The following EFL1 variants were observed in gnomAD, a reference collection of about 807,000 sequenced individuals.
The protein encoded by EFL1 is elongation factor like GTPase 1.
In EFL1, 76 loss-of-function variants were observed where a neutral mutation model predicts 126.7. The observed-to-expected ratio is 0.60, with a 90% CI of 0.50 to 0.73. The LOEUF (loss-of-function observed/expected upper bound fraction) is 0.73, where lower values mean the gene tolerates loss of function less well. EFL1 is among the 30% of genes least tolerant of loss of function. The pLI, the probability that EFL1 is intolerant of heterozygous loss-of-function variation, is 0.00. For missense variants in EFL1, 1,128 were observed against 1,343.2 expected (o/e 0.84, Z 2.50); for synonymous variants, 410 against 448.4 (o/e 0.91, Z 1.08).
chr15:82,241,282 T>C lies in EFL1; in HGVS notation c.366A>G (p.Gly122=), dbSNP rs750119124. Residue 122 remains glycine (G), a synonymous_variant, in exon 5 of 20, where the codon GGA becomes GGG. Coordinates refer to ENST00000268206, the MANE Select transcript of EFL1 (RefSeq NM_024580.6). ...GCIIVVDAVE[G]VCPQTQAVLR... ...CACAATCCATTACCTGTGGACAGACTCCTTCCACAGCATCTACCACAATGA... is the reference window on the plus strand; with the variant it reads ...CACAATCCATTACCTGTGGACAGACCCCTTCCACAGCATCTACCACAATGA... 6.2e-7 allele frequency: 1 copy of C among 1,613,918 alleles called. No individual in the cohort carries two copies.
chr15:82,236,158 A>C lies in EFL1; in HGVS notation c.731+2149T>G, dbSNP rs192928736. 1.4e-4 allele frequency among the ~76,000 whole-genome samples: 22 copies of C among 152,302 alleles called. No homozygotes were observed. The East Asian group carries it at 4.2e-3, about 29-fold the overall frequency. Reference sequence around the variant, plus strand: ...GAAAACTACAAAATGCTCATAAAAGAATTTTTAAAAATTTTAAATAAAAGG... The same window carrying C: ...GAAAACTACAAAATGCTCATAAAAGCATTTTTAAAAATTTTAAATAAAAGG... On this transcript the variant is annotated intron_variant, in intron 7 of 19. Transcript: ENST00000268206.
intron 15 of EFL1, among the ~76,000 whole-genome samples, chr15:82,177,216 C>G (rs1017069542): frequency 2.0e-5 from 3 of 152,126 alleles, no homozygotes; most frequent in African/African-American, 7.2e-5. Flanking sequence ...CTATGTGCAT[C>G]TTATGCATCA....
intron 15 of EFL1, among the ~76,000 whole-genome samples, chr15:82,199,408 C>T (rs1218219973): frequency 6.6e-6 from 1 of 152,180 alleles, no homozygotes; most frequent in African/African-American, 2.4e-5. Context: ...TCAGGGAAGA[C>T]CCTCAGGCAA....
intron 17 of EFL1, among the ~76,000 whole-genome samples, chr15:82,154,038 A>C (rs1353786206): frequency 6.6e-6 from 1 of 152,196 alleles, no homozygotes; most frequent in East Asian, 1.9e-4. Flanking sequence ...AACATAGTCA[A>C]AAGAGCTATG....
chr15:82,154,803 C>A (rs2073950339), intron 17 of EFL1, among the ~76,000 whole-genome samples: 1 of 152,090 alleles, frequency 6.6e-6, no homozygotes, highest in Admixed American at 6.5e-5. Context: ...GCTCTGTCAC[C>A]CAGCCTGAAG....
intron 15 of EFL1, among the ~76,000 whole-genome samples, chr15:82,182,590 G>A (rs537502156): frequency 2.0e-5 from 3 of 152,114 alleles, no homozygotes; most frequent in Admixed American, 6.5e-5. Flanking sequence ...TTGGGAGGCC[G>A]AGGCGGGTGG....
Position 82,152,432 on chromosome 15 carries a change from A to G in EFL1, c.2031-9T>C, listed in dbSNP as rs1298032961. ...TATGAATCTTTGCAAACCTACAGAC[A>G]AATTCAAGAGAAATAACAGAAGGTT... On this transcript the variant is annotated splice_polypyrimidine_tract_variant and intron_variant, in intron 17 of 19. Coordinates refer to ENST00000268206, the MANE Select transcript of EFL1 (RefSeq NM_024580.6). 2 of 1,587,132 alleles carry G rather than the reference A, an allele frequency of 1.3e-6. No homozygotes were observed. Among genetic ancestry groups the G allele is most frequent in the Admixed American group, 3.6e-5 (2 of 56,318 alleles).
At chr15:82,190,132 C>T (rs532360964) in intron 15 of EFL1, among the ~76,000 whole-genome samples, 1 of 148,144 alleles carries the variant, frequency 6.8e-6, no homozygotes, top group Admixed American at 6.7e-5. Flanking sequence ...AAAAAAAATT[C>T]ATGTTACTTT....
At chr15:82,152,514 G>T in intron 17 of EFL1, 91 bp from the exon 18 acceptor site, 1 of 1,097,378 alleles carries the variant, frequency 9.1e-7, no homozygotes, top group Non-Finnish European at 1.3e-6. Context: ...TGGAGATTCT[G>T]TAAAAACATA....
intron 19 of EFL1, among the ~76,000 whole-genome samples, chr15:82,131,128 A>G (rs1195721674): frequency 6.6e-6 from 1 of 152,230 alleles, no homozygotes; most frequent in Non-Finnish European, 1.5e-5. Context: ...AGTTCATAAC[A>G]CTAAGGAAGA....
chr15:82,192,883 T>C (rs1400720751), intron 15 of EFL1, among the ~76,000 whole-genome samples: 2 of 152,098 alleles, frequency 1.3e-5, no homozygotes, highest in Non-Finnish European at 2.9e-5. Context: ...GGAAAAAAAG[T>C]ACAAAAGCAC....
Position 82,209,316 on chromosome 15 carries a change from G to GACACACAC in EFL1, c.1750+5393_1750+5400dup, listed in dbSNP as rs57128885. 4.7e-3 allele frequency among the ~76,000 whole-genome samples: 684 copies of GACACACAC among 146,306 alleles called. 8 individuals are homozygous for GACACACAC. The East Asian group carries it at 0.056, about 12-fold the overall frequency. ...GACTAAGGATTCACACACAGACACA[G>GACACACAC]ACACACACACACACACACACACACA... On this transcript the variant is annotated intron_variant, in intron 15 of 19. Transcript: ENST00000268206.
chr15:82,163,059 G>T (rs1446879480), intron 16 of EFL1, among the ~76,000 whole-genome samples: 1 of 152,196 alleles, frequency 6.6e-6, no homozygotes, highest in Non-Finnish European at 1.5e-5. Context: ...AGACTAAGGA[G>T]TTGTTATTAT....
At chr15:82,217,669 T>C (rs2074664955) in intron 14 of EFL1, among the ~76,000 whole-genome samples, 1 of 152,206 alleles carries the variant, frequency 6.6e-6, no homozygotes, top group Admixed American at 6.5e-5. Context: ...GAGAAGGATG[T>C]GGCAGACAGA....
At chr15:82,156,263 C>T (rs1184480939) in intron 17 of EFL1, among the ~76,000 whole-genome samples, 4 of 152,254 alleles carry the variant, frequency 2.6e-5, no homozygotes, top group Non-Finnish European at 5.9e-5. Flanking sequence ...GAAGCTTCTA[C>T]AAAATCCCAC....
chr15:82,182,877 G>A (rs907054792), intron 15 of EFL1, among the ~76,000 whole-genome samples: 1 of 152,058 alleles, frequency 6.6e-6, no homozygotes, highest in Non-Finnish European at 1.5e-5. Flanking sequence ...GAGCCAAAAT[G>A]TGGTATGAAG....
rs372161887 is a variant in EFL1 at position 82,219,656 on chromosome 15, C to T, written c.1607G>A (p.Arg536Gln). The change falls in exon 14 of 20, where the codon CGA (arginine) becomes CAA (glutamine). Residue 536 changes from arginine (R) to glutamine (Q), a missense_variant. Arg to Gln is a conservative substitution (Grantham distance 43). Coordinates refer to ENST00000268206, the MANE Select transcript of EFL1 (RefSeq NM_024580.6). ...GPKYSPLEFLRRVPLGFSAPP... is the reference protein window; with the variant it reads ...GPKYSPLEFLQRVPLGFSAPP... ...TATTTTACTTTCAATTCTTACCCTT[C>T]GTAAAAACTCAAGAGGACTGTATTT... 5.2e-5 allele frequency: 83 copies of T among 1,603,124 alleles called. No homozygotes were observed. In the South Asian group the frequency reaches 6.7e-4, roughly 13 times the overall value.
chr15:82,162,511 T>C (rs1445232891), intron 16 of EFL1, among the ~76,000 whole-genome samples: 5 of 152,142 alleles, frequency 3.3e-5, no homozygotes, highest in Non-Finnish European at 7.3e-5. Flanking sequence ...AGAGCCAGCC[T>C]AGTGAGTAGA....
chr15:82,167,594 ATTC>A (rs1378687715), intron 15 of EFL1, among the ~76,000 whole-genome samples: 4 of 152,130 alleles, frequency 2.6e-5, no homozygotes, highest in African/African-American at 9.7e-5. Flanking sequence ...CTTTTTTACT[ATTC>A]TTAACAACTC....
Sources: gnomAD v4.1 joint callset for allele counts (sites outside exome capture counted in the v4.1 genomes callset) on GRCh38, gnomAD v4.1.1 for gene constraint, MANE v1.5 for transcripts, NCBI Gene and HGNC (gene_info 2026-07-23, HGNC 2026-07-21) for gene names.